The following DCAF1 variants were observed in gnomAD, a reference collection of about 807,000 sequenced individuals.
DCAF1 encodes the protein DDB1- and CUL4-associated factor 1.
A neutral mutation model predicts 128.0 loss-of-function variants in DCAF1; 15 were observed. That is an observed-to-expected ratio of 0.12 (90% confidence interval 0.08 to 0.18). The LOEUF is 0.18. Ranked by LOEUF, DCAF1 falls within the 10% of genes least tolerant of loss-of-function variation. The pLI is 1.00. For missense variants in DCAF1, 988 were observed against 1,649.5 expected, an observed-to-expected ratio of 0.60 and a Z score of 6.95; for synonymous variants, 610 against 603.0, an observed-to-expected ratio of 1.01 and a Z score of -0.17.
chr3:51,480,129 T>G (rs939385798), intron 3 of DCAF1, among the ~76,000 whole-genome samples: 31 of 151,672 alleles, frequency 2.0e-4, no homozygotes, highest in Non-Finnish European at 1.5e-5. Flanking sequence ...AAAAAAATTT[T>G]TTTTAATGAT....
At chr3:51,486,975 CTTTTT>C (rs879971317) in intron 2 of DCAF1, among the ~76,000 whole-genome samples, 10 of 130,824 alleles carry the variant, frequency 7.6e-5, no homozygotes, top group Non-Finnish European at 1.3e-4. Context: ...CTTTTCTTTT[CTTTTT>C]TTTTTTAAGA....
chr3:51,475,865 A>C (rs1474104580), intron 3 of DCAF1, among the ~76,000 whole-genome samples: 3 of 151,706 alleles, frequency 2.0e-5, no homozygotes, highest in African/African-American at 7.3e-5. Context: ...TGTCTCATAA[A>C]AAAAAAAAAG....
At chr3:51,431,519 C>CA (rs5848921) in intron 10 of DCAF1, among the ~76,000 whole-genome samples, 804 of 63,648 alleles carry the variant, frequency 0.013, 11 homozygotes, top group African/African-American at 0.03. Context: ...GATTCCGTCT[C>CA]AAAAAAAAAA....
intron 9 of DCAF1, among the ~76,000 whole-genome samples, chr3:51,434,270 C>T (rs993259576): frequency 3.3e-5 from 5 of 151,926 alleles, no homozygotes; most frequent in Non-Finnish European, 7.4e-5. Flanking sequence ...AATGCAGTGG[C>T]GCATGCCTGT....
chr3:51,428,010 A>C (rs1553634570), intron 12 of DCAF1, among the ~76,000 whole-genome samples: 1 of 152,158 alleles, frequency 6.6e-6, no homozygotes, highest in East Asian at 1.9e-4. Context: ...AAATTCCACA[A>C]TTCTTGAGTC....
At position 51,483,760 on chromosome 3, in the gene DCAF1, C is replaced by T. The variant is rs782609630; in HGVS notation, c.69G>A (p.Lys23=). The change falls in exon 3 of 25, where the codon AAG becomes AAA. Residue 23 remains lysine (K), a synonymous_variant. Coordinates refer to ENST00000684031, the MANE Select transcript of DCAF1 (RefSeq NM_001387579.1). ...ELTTLLEQWE[K]EHGSGQDMVP... ...CCATGTCCTGCCCACTGCCATGTTC[C>T]TTTTCCCACTGCTCCAGCAGGGTAG... 4.3e-6 allele frequency: 7 copies of T among 1,613,816 alleles called. No homozygotes were observed. The highest frequency in any genetic ancestry group is 5.9e-6 in the Non-Finnish European group (7 of 1,179,864).
intron 6 of DCAF1, among the ~76,000 whole-genome samples, chr3:51,448,163 A>ACTGTCATCTCTCTGAATG (rs1193546278): frequency 6.6e-6 from 1 of 152,128 alleles, no homozygotes; most frequent in Non-Finnish European, 1.5e-5. Context: ...TTAAAATTCT[A>ACTGTCATCTCTCTGAATG]CTGTCATCTC....
intron 9 of DCAF1, among the ~76,000 whole-genome samples, chr3:51,434,275 G>C (rs970578137): frequency 2.6e-5 from 4 of 152,172 alleles, no homozygotes; most frequent in Middle Eastern, 3.4e-3. Context: ...AGTGGCGCAT[G>C]CCTGTAGTCC....
At chr3:51,486,951 A>G (rs979339393) in intron 2 of DCAF1, among the ~76,000 whole-genome samples, 4 of 144,702 alleles carry the variant, frequency 2.8e-5, no homozygotes, top group Non-Finnish European at 6.1e-5. Flanking sequence ...ATATTTTTAA[A>G]ACAAACTTTT....
chr3:51,435,822 A>G (rs890787507), intron 9 of DCAF1, among the ~76,000 whole-genome samples: 19 of 152,222 alleles, frequency 1.2e-4, no homozygotes, highest in African/African-American at 4.6e-4. Flanking sequence ...TCGTACCTGA[A>G]CATAAGTATC....
At position 51,403,133 on chromosome 3, in the gene DCAF1, C is replaced by T. The variant is rs1204455941; in HGVS notation, c.4465+10G>A. 1.2e-6 allele frequency: 2 copies of T among 1,606,084 alleles called. No homozygotes were observed. The highest frequency in any genetic ancestry group is 1.7e-6 in the Non-Finnish European group (2 of 1,175,226). On this transcript the variant is annotated intron_variant, in intron 24 of 24. Transcript: ENST00000684031. Reference sequence around the variant, plus strand: ...GCCAAGGCTCAGCCTGAACTCTGCCCTATACTTACTGTCCCCCAGGATCAG... The same window carrying T: ...GCCAAGGCTCAGCCTGAACTCTGCCTTATACTTACTGTCCCCCAGGATCAG...
Position 51,441,436 on chromosome 3 carries a change from G to A in DCAF1, c.975C>T (p.Ile325=), listed in dbSNP as rs782690059. ...AATATTGGAGAATGAGTCGCTGCTC[G>A]ATAGCAGGAGTCATAGGATAAAGGG... is the stretch of plus-strand genomic sequence containing the variant. The part of the protein sequence containing the change: ...NYTLYPMTPA[I]EQRLILQYLT... The change falls in exon 8 of 25, where the codon ATC becomes ATT. Residue 325 remains isoleucine, a synonymous_variant. Coordinates refer to ENST00000684031, the MANE Select transcript of DCAF1 (RefSeq NM_001387579.1). 56 of 1,613,726 alleles carry A rather than the reference G, an allele frequency of 3.5e-5. No homozygotes were observed. Among genetic ancestry groups the A allele is most frequent in the Non-Finnish European group, 4.5e-5 (53 of 1,179,848 alleles).
rs2106712020 is a variant in DCAF1 at position 51,398,310 on chromosome 3, C to T, written c.*459G>A. On this transcript the variant is annotated 3_prime_UTR_variant, in exon 25 of 25. Coordinates refer to ENST00000684031, the MANE Select transcript of DCAF1 (RefSeq NM_001387579.1). The stretch of plus-strand genomic sequence containing the variant: ...ATTGTTCTTTAGACATCATTTTCTT[C>T]CAAAGAAAATGAAGTGCAGGGACAA... The T allele has an allele frequency of 6.5e-6, 1 of 152,780 alleles. No homozygotes were observed. Among genetic ancestry groups the T allele is most frequent in the African/African-American group, 2.4e-5 (1 of 41,492 alleles). 9.5% of individuals were successfully genotyped at this position (152,780 alleles called of 1,614,324 possible).
At position 51,420,832 on chromosome 3, in the gene DCAF1, T is replaced by C; in HGVS notation, c.2138A>G (p.Gln713Arg). ...ISGTPRRKLP[Q>R]NPKSSEHTLA... ...GGTGTGCTCACTGCTTTTAGGGTTCTGAGGCAGCTTTCTCCGAGGAGTACC... is the reference window on the plus strand; with the variant it reads ...GGTGTGCTCACTGCTTTTAGGGTTCCGAGGCAGCTTTCTCCGAGGAGTACC... Residue 713 changes from glutamine to arginine, a missense_variant, in exon 15 of 25, where the codon CAG becomes CGG. Coordinates refer to ENST00000684031, the MANE Select transcript of DCAF1 (RefSeq NM_001387579.1). This position sits in a 1 kb window ranked among gnomAD's most constrained non-coding sequence, Gnocchi z 6.5. The C allele has an allele frequency of 6.2e-7, 1 of 1,614,048 alleles. No homozygotes were observed. Among genetic ancestry groups the C allele is most frequent in the Non-Finnish European group, 8.5e-7 (1 of 1,179,904 alleles).
At position 51,481,682 on chromosome 3, in the gene DCAF1, G is replaced by A. The variant is rs563790035; in HGVS notation, c.110+2037C>T. On this transcript the variant is annotated intron_variant, in intron 3 of 24. Coordinates refer to ENST00000684031, the MANE Select transcript of DCAF1 (RefSeq NM_001387579.1). ...TGCCTGGGGCAGAGAGCAAGACTCC[G>A]TCTCAAAAAAAATGAAAGGTAAAAT... Among the ~76,000 whole-genome samples the A allele has an allele frequency of 7.8e-4, 119 of 151,608 alleles. 2 individuals carry two copies. The South Asian group carries it at 0.013, about 17-fold the overall frequency.
intron 12 of DCAF1, among the ~76,000 whole-genome samples, chr3:51,428,945 G>A (rs1431755479): frequency 2.6e-5 from 4 of 152,086 alleles, no homozygotes; most frequent in African/African-American, 7.2e-5. Context: ...GTTGCAATGA[G>A]GTGTGGTCAC....
upstream of DCAF1, chr3:51,500,115 GGAAAAAAAA>G (rs1708710032): frequency 2.9e-5 from 2 of 70,098 alleles, no homozygotes; most frequent in Admixed American, 1.4e-4. Context: ...GCACGATCGG[GGAAAAAAAA>G]AAAAAAAAAA....
At chr3:51,504,503 A>C (rs782654372), upstream of DCAF1, among the ~76,000 whole-genome samples, 1 of 152,060 alleles carries the variant, frequency 6.6e-6, no homozygotes, top group Non-Finnish European at 1.5e-5. Flanking sequence ...GCCCGCCACA[A>C]CACCTGGCTA....
At chr3:51,400,220 C>T (rs2089555321) in intron 24 of DCAF1, among the ~76,000 whole-genome samples, 1 of 152,194 alleles carries the variant, frequency 6.6e-6, no homozygotes, top group South Asian at 2.1e-4. Flanking sequence ...CACAGCTGAA[C>T]AAAGCAAGCC....
Sources: gnomAD v4.1 joint callset for allele counts (sites outside exome capture counted in the v4.1 genomes callset) on GRCh38, gnomAD v4.1.1 for gene constraint, Gnocchi (gnomAD v3.1) non-coding constraint, MANE v1.5 for transcripts, NCBI Gene and HGNC (gene_info 2026-07-23, HGNC 2026-07-21) for gene names.